PALS1: variants seen among roughly 807,000 people sequenced by gnomAD.
PALS1 encodes protein associated with LIN7 1, MAGUK p55 family member.
A neutral mutation model predicts 78.9 loss-of-function variants in PALS1; 31 were observed. The ratio of observed to expected loss-of-function variants is 0.39; its 90% confidence interval spans 0.30 to 0.53. PALS1 has a LOEUF of 0.53. Among genes scored for constraint, PALS1 ranks in the 20% least tolerant of loss-of-function variants. PALS1 has a pLI of 0.67. For synonymous variants in PALS1, 276 were observed against 270.9 expected, an observed-to-expected ratio of 1.02 and a Z score of -0.18; for missense variants, 704 against 826.5, an observed-to-expected ratio of 0.85 and a Z score of 1.82.
intron 1 of PALS1, among the ~76,000 whole-genome samples, chr14:67,261,474 G>GT (rs2084235997): frequency 1.3e-5 from 2 of 152,078 alleles, no homozygotes; most frequent in African/African-American, 4.8e-5. Context: ...AAATACTTCA[G>GT]TTTTACCCCA....
chr14:67,317,258 T>C, intron 10 of PALS1, 150 bp from the exon 11 acceptor site: 1 of 629,660 alleles, frequency 1.6e-6, no homozygotes, highest in African/African-American at 1.9e-5. Context: ...AGGCCAGGAG[T>C]TCAAGACAAG....
chr14:67,264,730 A>G (rs72717368), intron 1 of PALS1, among the ~76,000 whole-genome samples: 7,434 of 152,198 alleles, frequency 0.049, 201 homozygotes, highest in East Asian at 0.058. Context: ...TTTAATTTTT[A>G]TCCCAAAGCC....
At chr14:67,259,471 G>T (rs1422157061) in intron 1 of PALS1, among the ~76,000 whole-genome samples, 2 of 152,010 alleles carry the variant, frequency 1.3e-5, no homozygotes, top group Non-Finnish European at 2.9e-5. Flanking sequence ...AATCAGCCGG[G>T]TGTAGTGTTG....
rs1156548815 is a variant in PALS1, at chr14:67,335,123, G to A, written c.*2167G>A. 1 of 149,978 alleles carries A rather than the reference G, an allele frequency of 6.7e-6. No individual in the cohort carries two copies. Among genetic ancestry groups the A allele is most frequent in the Admixed American group, 6.6e-5 (1 of 15,072 alleles). 9.3% of individuals were successfully genotyped at this position (149,978 alleles called of 1,614,324 possible). On this transcript the variant is annotated 3_prime_UTR_variant, in exon 15 of 15. Transcript: ENST00000261681. ...GCCATACTTTTAGGAAGTCTGAGATGATAAATATTTCAAGGTCAGTGAAGT... is the reference window on the plus strand; with the variant it reads ...GCCATACTTTTAGGAAGTCTGAGATAATAAATATTTCAAGGTCAGTGAAGT...
In PALS1 at chr14:67,335,092, T is replaced by C. The variant is rs1409558437; in HGVS notation, c.*2136T>C. ...AGATCTTGTATCAAGGCAGAGGTGATGCCATGCCATACTTTTAGGAAGTCT... is the reference window on the plus strand; with the variant it reads ...AGATCTTGTATCAAGGCAGAGGTGACGCCATGCCATACTTTTAGGAAGTCT... On this transcript the variant is annotated 3_prime_UTR_variant, in exon 15 of 15. Transcript: ENST00000261681. 6.6e-6 allele frequency: 1 copy of C among 152,136 alleles called. No individual in the cohort carries two copies. The highest frequency in any genetic ancestry group is 1.5e-5 in the Non-Finnish European group (1 of 68,022). 9.4% of individuals were successfully genotyped at this position (152,136 alleles called of 1,614,324 possible). A position where few individuals can be genotyped will look rare whatever the true frequency, so the allele number is the denominator to read the frequency against.
chr14:67,296,675 T>C (rs564610497), intron 4 of PALS1, among the ~76,000 whole-genome samples: 7 of 152,140 alleles, frequency 4.6e-5, no homozygotes, highest in South Asian at 4.1e-4. Flanking sequence ...TGGATTACTT[T>C]GGTAAATATT....
At chr14:67,266,309 C>G (rs532407323) in intron 1 of PALS1, among the ~76,000 whole-genome samples, 108 of 151,772 alleles carry the variant, frequency 7.1e-4, no homozygotes, top group African/African-American at 2.5e-3. Context: ...CAGAGCTAAT[C>G]CACTGCATGA....
At chr14:67,285,126 A>G (rs2084666126) in intron 3 of PALS1, among the ~76,000 whole-genome samples, 2 of 152,168 alleles carry the variant, frequency 1.3e-5, no homozygotes. Context: ...TCTGAGTATC[A>G]TATTTGACCC....
At chr14:67,329,630 T>C (rs1177990108) in intron 14 of PALS1, among the ~76,000 whole-genome samples, 1 of 152,106 alleles carries the variant, frequency 6.6e-6, no homozygotes, top group East Asian at 1.9e-4. Flanking sequence ...TAAATAGCTC[T>C]TATTATTTTG....
intron 14 of PALS1, among the ~76,000 whole-genome samples, chr14:67,327,252 T>C (rs1434315414): frequency 6.6e-6 from 1 of 152,152 alleles, no homozygotes; most frequent in Non-Finnish European, 1.5e-5. Context: ...TAGACCTATG[T>C]TTTCATTTCT....
chr14:67,288,967 T>TC (rs2084731371), intron 3 of PALS1, among the ~76,000 whole-genome samples: 1 of 60,976 alleles, frequency 1.6e-5, no homozygotes, highest in South Asian at 3.4e-4. Context: ...TTATTTCCTT[T>TC]TTTTTTTTTT....
intron 8 of PALS1, among the ~76,000 whole-genome samples, chr14:67,306,729 C>G (rs1050192713): frequency 6.6e-6 from 1 of 152,130 alleles, no homozygotes; most frequent in Non-Finnish European, 1.5e-5. Context: ...CAAGTTTTGT[C>G]AGACCTAACT....
intron 1 of PALS1, among the ~76,000 whole-genome samples, chr14:67,243,236 G>A (rs1328053777): frequency 6.6e-6 from 1 of 151,726 alleles, no homozygotes; most frequent in African/African-American, 2.4e-5. Context: ...GCCCAGGCTG[G>A]AGTGTAGTGG....
intron 3 of PALS1, among the ~76,000 whole-genome samples, chr14:67,284,875 A>T (rs888085963): frequency 6.6e-6 from 1 of 151,756 alleles, no homozygotes; most frequent in Non-Finnish European, 1.5e-5. Context: ...AATATACCAC[A>T]TCTTGTTTTT....
chr14:67,279,826 T>G, intron 3 of PALS1: 1 of 332,032 alleles, frequency 3.0e-6, no homozygotes, highest in Non-Finnish European at 5.4e-6. Flanking sequence ...ACCTTTTATA[T>G]CAAACCACAA....
intron 8 of PALS1, among the ~76,000 whole-genome samples, chr14:67,311,341 A>G (rs2085086229): frequency 6.6e-6 from 1 of 151,886 alleles, no homozygotes; most frequent in South Asian, 2.1e-4. Flanking sequence ...GCCAAAGCCA[A>G]ATAATATTTG....
At chr14:67,316,126 C>T (rs564135491) in intron 9 of PALS1, among the ~76,000 whole-genome samples, 22 of 152,244 alleles carry the variant, frequency 1.4e-4, no homozygotes, top group African/African-American at 4.3e-4. Context: ...GGAACCTCAA[C>T]GTAATTCAGA....
At chr14:67,241,976 T>A (rs1301874521) in intron 1 of PALS1, 1 of 152,216 alleles carries the variant, frequency 6.6e-6, no homozygotes. Flanking sequence ...TCTGCCTGAC[T>A]CAGCTGCTGG....
chr14:67,303,590 G>A lies in PALS1; in HGVS notation c.1032G>A (p.Lys344=). 2 of 1,611,910 alleles carry A rather than the reference G, an allele frequency of 1.2e-6. No homozygotes were observed. Among genetic ancestry groups the A allele is most frequent in the Non-Finnish European group, 1.7e-6 (2 of 1,178,084 alleles). Residue 344 remains lysine (K), a synonymous_variant, in exon 8 of 15, where the codon AAG becomes AAA. Transcript: ENST00000261681. The part of the protein sequence containing the change: ...PSQQIKPPPA[K]ETVIHVKAHF... ...AACAGATCAAGCCGCCTCCTGCCAAGGAAACAGTAGTAAGTGATTTTTAAA... is the reference window on the plus strand; with the variant it reads ...AACAGATCAAGCCGCCTCCTGCCAAAGAAACAGTAGTAAGTGATTTTTAAA...
Sources: gnomAD v4.1 joint callset for allele counts (sites outside exome capture counted in the v4.1 genomes callset) on GRCh38, gnomAD v4.1.1 for gene constraint, MANE v1.5 for transcripts, NCBI Gene and HGNC (gene_info 2026-07-23, HGNC 2026-07-21) for gene names.